Variants in ADGRV1 observed in about 807,000 individuals in gnomAD.
ADGRV1 encodes G-protein coupled receptor 98.
ADGRV1 carries 359 observed loss-of-function variants against 596.2 expected under a neutral mutation model. The observed-to-expected ratio is 0.60, with a 90% CI of 0.55 to 0.66. ADGRV1 has a LOEUF of 0.66. ADGRV1 is among the 30% of genes least tolerant of loss of function. The pLI is 0.00. For missense variants in ADGRV1, 7,274 were observed against 7,575.6 expected, an observed-to-expected ratio of 0.96 and a Z score of 1.48; for synonymous variants, 2,681 against 2,679.2, an observed-to-expected ratio of 1.00 and a Z score of -0.02.
At chr5:91,021,020 T>C (rs1264812231) in intron 85 of ADGRV1, among the ~76,000 whole-genome samples, 2 of 152,100 alleles carry the variant, frequency 1.3e-5, no homozygotes, top group Admixed American at 1.3e-4. Context: ...GAGTTTACTT[T>C]TTCTCTTAAG....
intron 83 of ADGRV1, among the ~76,000 whole-genome samples, chr5:90,886,850 G>A (rs28572508): frequency 2.8e-4 from 43 of 152,146 alleles, no homozygotes; most frequent in African/African-American, 9.2e-4. Context: ...ACTTTTGTGT[G>A]CCAGCAAATT....
intron 89 of ADGRV1, among the ~76,000 whole-genome samples, chr5:91,162,996 G>A (rs1233102475): frequency 1.3e-5 from 2 of 152,094 alleles, no homozygotes; most frequent in Admixed American, 6.5e-5. Context: ...GAGGATGAGA[G>A]TTTATGTGTT....
chr5:90,795,416 C>T (rs1011041805), intron 70 of ADGRV1, among the ~76,000 whole-genome samples: 6 of 152,204 alleles, frequency 3.9e-5, no homozygotes, highest in African/African-American at 9.6e-5. Flanking sequence ...CCCACCACAG[C>T]GCAGCAAGGC....
chr5:91,029,485 A>G (rs1197638158), intron 85 of ADGRV1, among the ~76,000 whole-genome samples: 2 of 152,194 alleles, frequency 1.3e-5, no homozygotes, highest in African/African-American at 4.8e-5. Context: ...TGGAACATGT[A>G]ACTAGAAATG....
At chr5:90,570,474 T>C (rs1035282535) in intron 1 of ADGRV1, among the ~76,000 whole-genome samples, 2 of 152,160 alleles carry the variant, frequency 1.3e-5, no homozygotes, top group African/African-American at 4.8e-5. Context: ...TAAATCAGAT[T>C]TGGGAAGCCT....
At chr5:90,991,482 G>A (rs1380412325) in intron 85 of ADGRV1, among the ~76,000 whole-genome samples, 1 of 152,060 alleles carries the variant, frequency 6.6e-6, no homozygotes, top group Non-Finnish European at 1.5e-5. Context: ...ACAAGGTCTT[G>A]CTGTGTTGGC....
At chr5:90,894,314 C>G (rs1208588182) in intron 83 of ADGRV1, among the ~76,000 whole-genome samples, 1 of 152,126 alleles carries the variant, frequency 6.6e-6, no homozygotes, top group Non-Finnish European at 1.5e-5. Flanking sequence ...TATTTTTATG[C>G]CCATATCCCA....
intron 63 of ADGRV1, 50 bp from the exon 64 acceptor site, chr5:90,778,815 G>C: frequency 1.4e-6 from 2 of 1,449,214 alleles, no homozygotes; most frequent in East Asian, 4.6e-5. Context: ...AGACAGTATT[G>C]TCTGGTAGAT....
At chr5:90,934,210 A>C (rs1172862215) in intron 83 of ADGRV1, among the ~76,000 whole-genome samples, 1 of 152,102 alleles carries the variant, frequency 6.6e-6, no homozygotes, top group Non-Finnish European at 1.5e-5. Flanking sequence ...CTGGCCTAGC[A>C]TGGGAAGTCT....
intron 83 of ADGRV1, among the ~76,000 whole-genome samples, chr5:90,867,684 C>T (rs370922761): frequency 1.4e-4 from 22 of 152,302 alleles, no homozygotes; most frequent in African/African-American, 4.3e-4. Flanking sequence ...CAGCAGCTTG[C>T]GCTGCTTTGT....
chr5:90,865,088 T>A (rs1041183171), intron 83 of ADGRV1, among the ~76,000 whole-genome samples: 1 of 152,138 alleles, frequency 6.6e-6, no homozygotes, highest in African/African-American at 2.4e-5. Context: ...ATTCCATAAC[T>A]CTGTTTTTCA....
At chr5:90,640,134 A>G (rs1392420004) in intron 11 of ADGRV1, among the ~76,000 whole-genome samples, 1 of 152,178 alleles carries the variant, frequency 6.6e-6, no homozygotes, top group Non-Finnish European at 1.5e-5. Flanking sequence ...ATATAACCCT[A>G]TATTTATAAA....
chr5:90,949,320 A>G (rs927183540), intron 83 of ADGRV1, among the ~76,000 whole-genome samples: 6 of 152,164 alleles, frequency 3.9e-5, no homozygotes, highest in Admixed American at 1.3e-4. Flanking sequence ...AACTTTAACT[A>G]TAATTTAAGG....
rs1446324090 is a variant in ADGRV1 at position 90,652,361 on chromosome 5, A to C, written c.3432A>C (p.Arg1144=). 2 of 1,593,506 alleles carry C rather than the reference A, an allele frequency of 1.3e-6. No homozygotes were observed. The highest frequency in any genetic ancestry group is 4.5e-5 in the East Asian group (2 of 44,626). ...KTNAFWILRH[R]GYFGSVSVSW... Reference sequence around the variant, plus strand: ...TATTTTGTAGGATTTTGAGGCACCGAGGATACTTTGGTAGTGTTTCTGTAT... The same window carrying C: ...TATTTTGTAGGATTTTGAGGCACCGCGGATACTTTGGTAGTGTTTCTGTAT... Residue 1144 remains arginine (R), a synonymous_variant, in exon 19 of 90, where the codon CGA becomes CGC. Coordinates refer to ENST00000405460, the MANE Select transcript of ADGRV1 (RefSeq NM_032119.4).
Position 90,791,125 on chromosome 5 carries a change from C to G in ADGRV1, c.14296C>G (p.Leu4766Val). 1 of 1,613,860 alleles carries G rather than the reference C, an allele frequency of 6.2e-7. No homozygotes were observed. Among genetic ancestry groups the G allele is most frequent in the Non-Finnish European group, 8.5e-7 (1 of 1,179,824 alleles). ...ANDDPHGVFA[L>V]YSDRQSILIG... ...TGATGACCCACATGGAGTATTTGCCCTGTATTCGGATCGCCAGTCAATACT... is the reference window on the plus strand; with the variant it reads ...TGATGACCCACATGGAGTATTTGCCGTGTATTCGGATCGCCAGTCAATACT... Residue 4766 changes from leucine (L) to valine (V), a missense_variant, in exon 70 of 90, where the codon CTG (leucine) becomes GTG (valine). Physicochemically the swap from Leu to Val is conservative, Grantham distance 32 (BLOSUM62 1). Around this residue, in one of 5 missense-constraint regions of ADGRV1, gnomAD observed 1,874 missense variants for 1,970.2 expected, o/e 0.95. Transcript: ENST00000405460.
intron 87 of ADGRV1, among the ~76,000 whole-genome samples, chr5:91,116,315 T>G (rs1310005823): frequency 6.6e-6 from 1 of 152,190 alleles, no homozygotes; most frequent in Non-Finnish European, 1.5e-5. Flanking sequence ...TCTTATTAAT[T>G]TTTAGTTTTG....
At chr5:90,619,311 G>T in intron 4 of ADGRV1, 130 bp downstream of exon 4, 1 of 454,366 alleles carries the variant, frequency 2.2e-6, no homozygotes, top group Non-Finnish European at 3.9e-6. Context: ...CTTTAACTTT[G>T]TCCCTGTTTC....
chr5:91,127,635 G>A (rs1213927861), intron 87 of ADGRV1, among the ~76,000 whole-genome samples: 4 of 152,010 alleles, frequency 2.6e-5, no homozygotes, highest in African/African-American at 9.7e-5. Context: ...TCTTCAGCTG[G>A]ATAAACAGTC....
At chr5:90,759,963 C>CAAAAAAAAAAAA (rs34526448) in intron 58 of ADGRV1, 1 of 14,880 alleles carries the variant, frequency 6.7e-5, no homozygotes, top group African/African-American at 3.0e-4. Context: ...GACTCCATCT[C>CAAAAAAAAAAAA]AAAAAAAAAA....
Sources: gnomAD v4.1 joint callset for allele counts (sites outside exome capture counted in the v4.1 genomes callset) on GRCh38, gnomAD v4.1.1 for gene constraint, gnomAD v4.1.1 regional missense constraint, MANE v1.5 for transcripts, NCBI Gene and HGNC (gene_info 2026-07-23, HGNC 2026-07-21) for gene names.